Variants in RMND5A observed in about 807,000 individuals in gnomAD.
RMND5A encodes required for meiotic nuclear division 5 homolog A.
A neutral mutation model predicts 49.7 loss-of-function variants in RMND5A; 17 were observed. That is an observed-to-expected ratio of 0.34 (90% CI 0.23 to 0.51). The LOEUF (loss-of-function observed/expected upper bound fraction) is 0.51, where lower values mean the gene tolerates loss of function less well. Among genes scored for constraint, RMND5A ranks in the 20% least tolerant of loss-of-function variants. The pLI, the probability that RMND5A is intolerant of heterozygous loss-of-function variation, is 0.96. For synonymous variants in RMND5A, 156 were observed against 167.7 expected, an observed-to-expected ratio of 0.93 and a Z score of 0.54; for missense variants, 255 against 471.3, an observed-to-expected ratio of 0.54 and a Z score of 4.25.
chr2:86,721,736 A>G (rs1415320595), intron 1 of RMND5A, among the ~76,000 whole-genome samples: 2 of 151,274 alleles, frequency 1.3e-5, no homozygotes, highest in East Asian at 3.9e-4. Flanking sequence ...ATGGGTCTTT[A>G]ATAAGAGGCT....
At chr2:86,766,052 G>A (rs781009554) in intron 6 of RMND5A, 28 bp downstream of exon 6, 1 of 1,596,658 alleles carries the variant, frequency 6.3e-7, no homozygotes, top group East Asian at 2.2e-5. Context: ...GTCTGTTATT[G>A]AAGTATGCAC....
intron 4 of RMND5A, among the ~76,000 whole-genome samples, chr2:86,761,288 G>C (rs1672484074): frequency 1.3e-5 from 2 of 152,176 alleles, no homozygotes; most frequent in Non-Finnish European, 2.9e-5. Context: ...GCATAGAATA[G>C]TGAAGAATAG....
Position 86,771,614 on chromosome 2 carries a change from T to A in RMND5A, c.1014T>A (p.Ile338=), listed in dbSNP as rs1017830538. ...CWYHSIFACP[I]LRQQTTDNNP... ...ATCACTCTATATTTGCCTGCCCCAT[T>A]CTTCGTCAGCAAACAACAGATAACA... The change falls in exon 8 of 9, where the codon ATT becomes ATA. Residue 338 remains isoleucine, a synonymous_variant. Coordinates refer to ENST00000283632, the MANE Select transcript of RMND5A (RefSeq NM_022780.4). 6 of 1,613,776 alleles carry A rather than the reference T, an allele frequency of 3.7e-6. No individual in the cohort carries two copies. The highest frequency in any genetic ancestry group is 5.1e-6 in the Non-Finnish European group (6 of 1,179,918).
At chr2:86,770,960 C>T (rs147385982) in intron 7 of RMND5A, among the ~76,000 whole-genome samples, 29 of 152,210 alleles carry the variant, frequency 1.9e-4, no homozygotes, top group Middle Eastern at 3.4e-3. Context: ...TTTTTTTGCC[C>T]GTTTTATACC....
intron 6 of RMND5A, among the ~76,000 whole-genome samples, chr2:86,768,495 C>T (rs1264782674): frequency 1.3e-5 from 2 of 152,206 alleles, no homozygotes; most frequent in African/African-American, 4.8e-5. Flanking sequence ...AGTTTACTGA[C>T]ATCAGCACCT....
chr2:86,750,771 GT>G (rs35353170), intron 2 of RMND5A, among the ~76,000 whole-genome samples: 110,019 of 141,190 alleles, frequency 0.78, 42,597 homozygotes, highest in East Asian at 0.98. Flanking sequence ...CTGAGGCTCT[GT>G]TTTTTTTTTT....
intron 8 of RMND5A, among the ~76,000 whole-genome samples, chr2:86,772,851 C>T (rs565566398): frequency 2.0e-5 from 3 of 152,022 alleles, no homozygotes; most frequent in Non-Finnish European, 4.4e-5. Context: ...ACCTCAGCCT[C>T]CCAGGTGTGA....
chr2:86,742,337 T>C (rs908411), intron 2 of RMND5A, among the ~76,000 whole-genome samples: 38 of 151,598 alleles, frequency 2.5e-4, no homozygotes, highest in Middle Eastern at 3.4e-3. Context: ...ACTGGGGAGA[T>C]TGTGGGGAGA....
chr2:86,764,467 T>C (rs1672558025), intron 4 of RMND5A, among the ~76,000 whole-genome samples: 8 of 152,212 alleles, frequency 5.3e-5, no homozygotes, highest in Admixed American at 5.2e-4. Context: ...ATTAGAACTA[T>C]GTTTGTACAA....
At chr2:86,751,519 G>A (rs1161300868) in intron 2 of RMND5A, among the ~76,000 whole-genome samples, 1 of 152,200 alleles carries the variant, frequency 6.6e-6, no homozygotes, top group Non-Finnish European at 1.5e-5. Context: ...ATAGGCATAT[G>A]TGTTTTCTCC....
chr2:86,752,383 T>A (rs1275299845), intron 3 of RMND5A, among the ~76,000 whole-genome samples: 3 of 152,230 alleles, frequency 2.0e-5, no homozygotes, highest in Non-Finnish European at 4.4e-5. Context: ...AACATTGATG[T>A]TTGTTCTTCT....
intron 5 of RMND5A, 94 bp downstream of exon 5, chr2:86,765,287 C>T (rs1175687638): frequency 9.1e-7 from 1 of 1,093,840 alleles, no homozygotes; most frequent in Non-Finnish European, 1.3e-6. Flanking sequence ...TACCTGTTTG[C>T]CAGTAAACAG....
chr2:86,754,759 C>T (rs1167538534), intron 4 of RMND5A, among the ~76,000 whole-genome samples: 1 of 152,046 alleles, frequency 6.6e-6, no homozygotes, highest in African/African-American at 2.4e-5. Flanking sequence ...CAGGATCTCA[C>T]TATGTTACCC....
chr2:86,721,706 A>G (rs1681228911), intron 1 of RMND5A, among the ~76,000 whole-genome samples: 1 of 151,662 alleles, frequency 6.6e-6, no homozygotes, highest in African/African-American at 2.4e-5. Flanking sequence ...CTTTTGATCA[A>G]GAAGTGAAGG....
chr2:86,742,456 G>A (rs1028951046), intron 2 of RMND5A, among the ~76,000 whole-genome samples: 6 of 146,152 alleles, frequency 4.1e-5, no homozygotes, highest in Admixed American at 4.1e-4. Context: ...AACCCTCTCT[G>A]GTACTATGAT....
chr2:86,748,383 A>C (rs969850646), intron 2 of RMND5A: 7 of 152,252 alleles, frequency 4.6e-5, no homozygotes, highest in African/African-American at 1.7e-4. Context: ...TCAGAATGGT[A>C]GAAGGGAGCT....
intron 6 of RMND5A, among the ~76,000 whole-genome samples, chr2:86,766,251 T>A (rs1201962836): frequency 6.6e-6 from 1 of 152,170 alleles, no homozygotes; most frequent in African/African-American, 2.4e-5. Flanking sequence ...TTTTCCACTG[T>A]ATTGACATTA....
At chr2:86,770,506 A>G (rs1316063999) in intron 7 of RMND5A, among the ~76,000 whole-genome samples, 1 of 152,208 alleles carries the variant, frequency 6.6e-6, no homozygotes, top group Non-Finnish European at 1.5e-5. Context: ...TGTCGATAAG[A>G]TCACGAGTTT....
chr2:86,769,718 C>T (rs1672658035), intron 6 of RMND5A, among the ~76,000 whole-genome samples: 1 of 151,794 alleles, frequency 6.6e-6, no homozygotes, highest in African/African-American at 2.4e-5. Context: ...ACTGCATTTA[C>T]CCCCATATTG....
Sources: allele counts gnomAD v4.1 joint callset (sites outside exome capture counted in the v4.1 genomes callset), GRCh38; gene constraint gnomAD v4.1.1; transcripts MANE v1.5; gene names NCBI Gene and HGNC (gene_info 2026-07-23, HGNC 2026-07-21).